Variants in GMDS observed in about 807,000 individuals in gnomAD.
The protein encoded by GMDS is GDP-mannose 4,6 dehydratase.
In GMDS, 20 loss-of-function variants were observed where a neutral mutation model predicts 49.9. The observed-to-expected ratio is 0.40, with a 90% confidence interval of 0.28 to 0.58. The LOEUF (loss-of-function observed/expected upper bound fraction) is 0.58. Ranked by LOEUF, GMDS falls within the 20% of genes least tolerant of loss-of-function variation. The probability of loss-of-function intolerance (pLI) is 0.42; values close to 1 mark genes in which losing one functional copy is unlikely to be tolerated. For missense variants in GMDS, 362 were observed against 481.4 expected, an observed-to-expected ratio of 0.75 and a Z score of 2.32; for synonymous variants, 177 against 178.6, an observed-to-expected ratio of 0.99 and a Z score of 0.07.
intron 7 of GMDS, among the ~76,000 whole-genome samples, chr6:1,825,774 C>T (rs183314665): frequency 6.6e-6 from 1 of 152,284 alleles, no homozygotes; most frequent in Admixed American, 6.5e-5. Context: ...TTTGGGAGGC[C>T]AAGGCAGGCA....
chr6:1,960,101 C>A (rs1323632), intron 5 of GMDS, 130 bp from the exon 6 acceptor site: 4 of 520,552 alleles, frequency 7.7e-6, no homozygotes, highest in African/African-American at 5.9e-5. Context: ...GTATCAAAAC[C>A]CAAAGACGAA....
chr6:1,697,223 G>A (rs1453875456), intron 9 of GMDS, among the ~76,000 whole-genome samples: 5 of 152,186 alleles, frequency 3.3e-5, no homozygotes, highest in African/African-American at 1.2e-4. Flanking sequence ...GACGGCAGGT[G>A]TCCCCCAAAC....
intron 7 of GMDS, among the ~76,000 whole-genome samples, chr6:1,781,280 G>A (rs35878985): frequency 0.01 from 1,597 of 152,282 alleles, 20 homozygotes; most frequent in African/African-American, 0.036. Context: ...TTCAGGTCCC[G>A]GGTGAAGGAC....
chr6:2,117,924 A>G (rs561288954), intron 2 of GMDS, among the ~76,000 whole-genome samples: 62 of 152,334 alleles, frequency 4.1e-4, no homozygotes, highest in African/African-American at 1.4e-3. Context: ...TCGGTAAAAC[A>G]GCCTTTGTGG....
intron 6 of GMDS, among the ~76,000 whole-genome samples, chr6:1,955,421 C>T (rs981041184): frequency 1.3e-5 from 2 of 152,132 alleles, no homozygotes; most frequent in African/African-American, 4.8e-5. Flanking sequence ...AATAGTTATT[C>T]ATAAAACATA....
intron 7 of GMDS, among the ~76,000 whole-genome samples, chr6:1,904,919 A>G (rs1760680493): frequency 6.6e-6 from 1 of 152,210 alleles, no homozygotes; most frequent in Non-Finnish European, 1.5e-5. Context: ...GGCAACGTTA[A>G]GTTCCTTAAA....
At chr6:1,862,608 T>G (rs903519679) in intron 7 of GMDS, among the ~76,000 whole-genome samples, 1 of 152,246 alleles carries the variant, frequency 6.6e-6, no homozygotes, top group Non-Finnish European at 1.5e-5. Context: ...TGCTGGAGCT[T>G]GTACTGATTA....
At chr6:1,678,299 C>G (rs541921146) in intron 9 of GMDS, among the ~76,000 whole-genome samples, 1 of 152,310 alleles carries the variant, frequency 6.6e-6, no homozygotes. Context: ...AGCTAGTCCA[C>G]ACCGCGTCTG....
chr6:2,115,233 G>C (rs1227151215), intron 4 of GMDS, among the ~76,000 whole-genome samples: 2 of 152,084 alleles, frequency 1.3e-5, no homozygotes, highest in African/African-American at 4.8e-5. Flanking sequence ...CGAATAGAGG[G>C]GAAAATCCAC....
At position 2,122,067 on chromosome 6, in the gene GMDS, T is replaced by C. The variant is rs556895902; in HGVS notation, c.147+2620A>G. On this transcript the variant is annotated intron_variant, in intron 2 of 10. Transcript: ENST00000380815. ...TAAGTAGGTTGTTTCCAGCTGTTCC[T>C]GACCTTAGTAGTATACCTCATACAA... Among the ~76,000 whole-genome samples, 5 of 152,346 alleles carry C rather than the reference T, an allele frequency of 3.3e-5. No homozygotes were observed. The South Asian group carries it at 1.0e-3, about 32-fold the overall frequency.
intron 9 of GMDS, among the ~76,000 whole-genome samples, chr6:1,715,740 T>C (rs1378949355): frequency 6.6e-6 from 1 of 152,218 alleles, no homozygotes; most frequent in Non-Finnish European, 1.5e-5. Context: ...TAAAAGGTGT[T>C]GAGATACATA....
chr6:1,913,119 C>T (rs1163987886), intron 7 of GMDS, among the ~76,000 whole-genome samples: 3 of 152,054 alleles, frequency 2.0e-5, no homozygotes, highest in South Asian at 2.1e-4. Context: ...CGGTGGCTCA[C>T]GCCTGTAATC....
intron 2 of GMDS, among the ~76,000 whole-genome samples, chr6:2,117,872 T>A (rs969235802): frequency 6.6e-5 from 10 of 152,176 alleles, no homozygotes; most frequent in African/African-American, 2.4e-4. Flanking sequence ...GACAAAAATA[T>A]CTTTTCCATT....
At chr6:2,176,053 A>G in intron 1 of GMDS, 1 of 1,448,354 alleles carries the variant, frequency 6.9e-7, no homozygotes, top group Non-Finnish European at 9.3e-7. Flanking sequence ...GGCTGAAGAC[A>G]GCAGATGTGA....
chr6:1,857,277 A>G (rs1279773177), intron 7 of GMDS, among the ~76,000 whole-genome samples: 2 of 152,186 alleles, frequency 1.3e-5, no homozygotes, highest in Non-Finnish European at 2.9e-5. Flanking sequence ...AAATCACCTG[A>G]CAGTCCGTAT....
At chr6:1,776,184 C>A (rs1421742496) in intron 7 of GMDS, among the ~76,000 whole-genome samples, 1 of 152,190 alleles carries the variant, frequency 6.6e-6, no homozygotes, top group Admixed American at 6.5e-5. Flanking sequence ...GTTTTCTCAA[C>A]CATTCATGGG....
At chr6:1,868,444 G>A (rs868506127) in intron 7 of GMDS, among the ~76,000 whole-genome samples, 18 of 152,284 alleles carry the variant, frequency 1.2e-4, no homozygotes, top group African/African-American at 3.4e-4. Context: ...CAGTGATCCC[G>A]GTTGAATGCA....
At chr6:1,649,885 T>A (rs112035614) in intron 9 of GMDS, among the ~76,000 whole-genome samples, 1 of 152,338 alleles carries the variant, frequency 6.6e-6, no homozygotes, top group East Asian at 1.9e-4. Flanking sequence ...GGGTGGCCAG[T>A]GCCTGGCTTC....
chr6:2,098,762 T>C (rs574765585), intron 4 of GMDS, among the ~76,000 whole-genome samples: 5 of 152,148 alleles, frequency 3.3e-5, no homozygotes, highest in African/African-American at 4.8e-5. Flanking sequence ...TGCCACTAAA[T>C]TGAAAATGGA....
Sources: allele counts gnomAD v4.1 joint callset (sites outside exome capture counted in the v4.1 genomes callset), GRCh38; gene constraint gnomAD v4.1.1; transcripts MANE v1.5; gene names NCBI Gene and HGNC (gene_info 2026-07-23, HGNC 2026-07-21).